The following SERTAD2 variants were observed in gnomAD, a reference collection of about 807,000 sequenced individuals.
SERTAD2 encodes the protein SERTA domain-containing protein 2.
A neutral mutation model predicts 15.4 loss-of-function variants in SERTAD2; 2 were observed. The ratio of observed to expected loss-of-function variants is 0.13; its 90% CI spans 0.05 to 0.41. The LOEUF (loss-of-function observed/expected upper bound fraction) is 0.41. Among genes scored for constraint, SERTAD2 ranks in the 10% least tolerant of loss-of-function variants. The probability of loss-of-function intolerance (pLI) is 0.99; values close to 1 mark genes in which losing one functional copy is unlikely to be tolerated. For synonymous variants in SERTAD2, 180 were observed against 178.0 expected (o/e 1.01, Z -0.09); for missense variants, 333 against 409.7 (o/e 0.81, Z 1.62).
At chr2:64,649,944 T>C (rs1409493279) in intron 1 of SERTAD2, among the ~76,000 whole-genome samples, 1 of 152,172 alleles carries the variant, frequency 6.6e-6, no homozygotes, top group Non-Finnish European at 1.5e-5. Context: ...AGTGTGCAAG[T>C]GTAAGAATAG....
At chr2:64,650,064 G>C (rs1674977541) in intron 1 of SERTAD2, among the ~76,000 whole-genome samples, 1 of 152,088 alleles carries the variant, frequency 6.6e-6, no homozygotes, top group South Asian at 2.1e-4. Context: ...CAAATTGTGG[G>C]GTTTACTTCA....
At chr2:64,642,508 C>CT (rs11296920) in intron 1 of SERTAD2, among the ~76,000 whole-genome samples, 8,147 of 148,386 alleles carry the variant, frequency 0.055, 343 homozygotes, top group African/African-American at 0.12. Flanking sequence ...TTTTAAAAAT[C>CT]TTTTTTTTTT....
At chr2:64,645,255 T>G (rs1480435723) in intron 1 of SERTAD2, among the ~76,000 whole-genome samples, 1 of 152,172 alleles carries the variant, frequency 6.6e-6, no homozygotes, top group Non-Finnish European at 1.5e-5. Flanking sequence ...CTCCGGGCTC[T>G]CCCGCTGCGC....
rs368224730 is a variant in SERTAD2, at chr2:64,636,558, G to T, written c.314C>A (p.Pro105Gln). Residue 105 changes from proline (P) to glutamine (Q), a missense_variant, in exon 2 of 2, where the codon CCG (proline) becomes CAG (glutamine). Physicochemically the swap from Pro to Gln is moderately conservative, Grantham distance 76. Around this residue, in one of 2 missense-constraint regions of SERTAD2, gnomAD observed 332 missense variants for 392.9 expected, o/e 0.84. Transcript: ENST00000313349. The part of the protein sequence containing the change: ...EPSDSYREAP[P>Q]AFSHLASPSS... ...CGGGGACGCCAGGTGGCTGAAGGCC[G>T]GCGGGGCCTCTCGGTAGCTGTCGCT... 1 of 1,597,494 alleles carries T rather than the reference G, an allele frequency of 6.3e-7. No homozygotes were observed. Among genetic ancestry groups the T allele is most frequent in the Non-Finnish European group, 8.5e-7 (1 of 1,170,128 alleles).
chr2:64,637,169 C>G (rs1211257687), intron 1 of SERTAD2, among the ~76,000 whole-genome samples: 2 of 152,128 alleles, frequency 1.3e-5, no homozygotes, highest in Non-Finnish European at 2.9e-5. Context: ...ACCATGGAAA[C>G]CATGATTTTG....
intron 1 of SERTAD2, among the ~76,000 whole-genome samples, chr2:64,647,616 T>TG (rs1674931862): frequency 6.7e-6 from 1 of 149,688 alleles, no homozygotes; most frequent in Admixed American, 6.7e-5. Flanking sequence ...GTCAAGGAGG[T>TG]GGGGAACTTA....
At chr2:64,643,590 A>C (rs1384095752) in intron 1 of SERTAD2, among the ~76,000 whole-genome samples, 1 of 152,218 alleles carries the variant, frequency 6.6e-6, no homozygotes, top group Non-Finnish European at 1.5e-5. Context: ...ATGCCTTCGC[A>C]GGGCAAGGTG....
intron 1 of SERTAD2, among the ~76,000 whole-genome samples, chr2:64,651,316 T>C (rs1047682045): frequency 3.3e-5 from 5 of 152,234 alleles, no homozygotes; most frequent in Admixed American, 6.5e-5. Context: ...TGTAGTATAA[T>C]TGGACACTGA....
chr2:64,650,643 C>T (rs1674989167), intron 1 of SERTAD2, among the ~76,000 whole-genome samples: 1 of 152,182 alleles, frequency 6.6e-6, no homozygotes, highest in Non-Finnish European at 1.5e-5. Context: ...CCATTTCCTT[C>T]AAACATACTA....
chr2:64,635,796 T>C lies in SERTAD2; in HGVS notation c.*131A>G, dbSNP rs1246970277. 5.8e-6 allele frequency: 4 copies of C among 695,634 alleles called. No homozygotes were observed. The highest frequency in any genetic ancestry group is 7.3e-6 in the Non-Finnish European group (3 of 408,806). 43.1% of individuals were successfully genotyped at this position (695,634 alleles called of 1,614,324 possible). ...CAACTCTGCTCAAAGCAAAAACTAG[T>C]GTGATCCTGTTGTAAAATTTTCTTT... On this transcript the variant is annotated 3_prime_UTR_variant, in exon 2 of 2. Transcript: ENST00000313349.
Position 64,634,942 on chromosome 2 carries a change from C to A in SERTAD2, c.*985G>T, listed in dbSNP as rs1167845032. 6.6e-6 allele frequency: 1 copy of A among 152,638 alleles called. No individual in the cohort carries two copies. Among genetic ancestry groups the A allele is most frequent in the Non-Finnish European group, 1.5e-5 (1 of 68,036 alleles). The allele number at this position is 152,638 out of a possible 1,614,324, so 9.5% of individuals were successfully genotyped here. ...CTCAAAAGAGGGAGCAAAAGAGAAC[C>A]ATCACTTAAACCCCCAGCTCCACAG... On this transcript the variant is annotated 3_prime_UTR_variant, in exon 2 of 2. Coordinates refer to ENST00000313349, the MANE Select transcript of SERTAD2 (RefSeq NM_014755.3).
At chr2:64,650,429 T>C (rs1432761127) in intron 1 of SERTAD2, among the ~76,000 whole-genome samples, 2 of 151,244 alleles carry the variant, frequency 1.3e-5, no homozygotes, top group African/African-American at 2.4e-5. Flanking sequence ...TGGGCTGACA[T>C]ATGCCATTCA....
In SERTAD2 at chr2:64,639,606, T is replaced by C. The variant is rs1674728061; in HGVS notation, c.-4-2731A>G. Among the ~76,000 whole-genome samples, 6 of 152,230 alleles carry C rather than the reference T, an allele frequency of 3.9e-5. 1 individual carries two copies. The highest frequency in any genetic ancestry group is 1.4e-4 in the African/African-American group (6 of 41,454). ...ATGGTGTAGACTCTTCTTACAGTCATCAATGCAGAATTGTCTTTTTAAAGA... is the reference window on the plus strand; with the variant it reads ...ATGGTGTAGACTCTTCTTACAGTCACCAATGCAGAATTGTCTTTTTAAAGA... On this transcript the variant is annotated intron_variant, in intron 1 of 1. Transcript: ENST00000313349.
chr2:64,640,539 G>C (rs1004945170), intron 1 of SERTAD2, among the ~76,000 whole-genome samples: 1 of 152,136 alleles, frequency 6.6e-6, no homozygotes. Flanking sequence ...GGAGAGGCAA[G>C]GGACCTTTCA....
chr2:64,643,413 GGA>G (rs1674818919), intron 1 of SERTAD2, among the ~76,000 whole-genome samples: 1 of 152,222 alleles, frequency 6.6e-6, no homozygotes, highest in African/African-American at 2.4e-5. Flanking sequence ...TCACCTGGGT[GGA>G]GAGCACAGCT....
intron 1 of SERTAD2, among the ~76,000 whole-genome samples, chr2:64,648,494 C>T (rs1674949599): frequency 6.6e-6 from 1 of 152,216 alleles, no homozygotes; most frequent in Non-Finnish European, 1.5e-5. Flanking sequence ...GACTTCTGTG[C>T]ATTGATAATG....
In SERTAD2 at chr2:64,635,945, C is replaced by T. The variant is rs144561461; in HGVS notation, c.927G>A (p.Glu309=). The change falls in exon 2 of 2, where the codon GAG becomes GAA. Residue 309 remains glutamate, a synonymous_variant. Coordinates refer to ENST00000313349, the MANE Select transcript of SERTAD2 (RefSeq NM_014755.3). ...CTGGGTCTTAGGACCCAACAAGCAC[C>T]TCCATGATGTGGTCCAGCTCTGTGA... The part of the protein sequence containing the change: ...MDLTELDHIM[E]VLVGS 1.3e-5 allele frequency: 21 copies of T among 1,613,324 alleles called. No individual in the cohort carries two copies. The African/African-American group carries it at 2.3e-4, about 17-fold the overall frequency.
At position 64,636,508 on chromosome 2, in the gene SERTAD2, T is replaced by A. The variant is rs149115399; in HGVS notation, c.364A>T (p.Ser122Cys). The stretch of plus-strand genomic sequence containing the variant: ...AGGCAGGCCTCCAGGGGCGTAGTGC[T>A]TCCGAGGTCGCAGGGGTGGGAGGAC... The part of the protein sequence containing the change: ...SPSSHPCDLG[S>C]TTPLEACLTP... Residue 122 changes from serine (S) to cysteine (C), a missense_variant, in exon 2 of 2, where the codon AGC becomes TGC. Coordinates refer to ENST00000313349, the MANE Select transcript of SERTAD2 (RefSeq NM_014755.3). 3.3e-5 allele frequency: 53 copies of A among 1,608,052 alleles called. No homozygotes were observed. The African/African-American group carries it at 6.8e-4, about 21-fold the overall frequency.
At chr2:64,637,245 C>T (rs1674680770) in intron 1 of SERTAD2, among the ~76,000 whole-genome samples, 1 of 152,204 alleles carries the variant, frequency 6.6e-6, no homozygotes, top group Non-Finnish European at 1.5e-5. Context: ...ATTTCCCTCC[C>T]CCACGTAGAT....
Sources: allele counts gnomAD v4.1 joint callset (sites outside exome capture counted in the v4.1 genomes callset), GRCh38; gene constraint gnomAD v4.1.1; regional missense constraint gnomAD v4.1.1; transcripts MANE v1.5; gene names NCBI Gene and HGNC (gene_info 2026-07-23, HGNC 2026-07-21).